CDK12: variants seen among roughly 807,000 people sequenced by gnomAD.
CDK12 encodes the protein cyclin dependent kinase 12, also known as cyclin-dependent kinase 12.
A neutral mutation model predicts 133.8 loss-of-function variants in CDK12; 17 were observed. That is an observed-to-expected ratio of 0.13 (90% CI 0.09 to 0.19). The LOEUF (loss-of-function observed/expected upper bound fraction) is 0.19, where lower values mean the gene tolerates loss of function less well. Among genes scored for constraint, CDK12 ranks in the 10% least tolerant of loss-of-function variants. The pLI, the probability that CDK12 is intolerant of heterozygous loss-of-function variation, is 1.00. For synonymous variants in CDK12, 694 were observed against 683.6 expected (o/e 1.02, Z -0.24); for missense variants, 1,508 against 1,818.7 (o/e 0.83, Z 3.11).
chr17:39,467,856 T>C (rs1166406373), intron 1 of CDK12, among the ~76,000 whole-genome samples: 1 of 152,048 alleles, frequency 6.6e-6, no homozygotes, highest in Non-Finnish European at 1.5e-5. Flanking sequence ...ATGTTTGCGT[T>C]GTTGTTTTTT....
chr17:39,471,133 C>T lies in CDK12; in HGVS notation c.1301C>T (p.Ser434Leu), dbSNP rs2145191514. 1.3e-6 allele frequency: 2 copies of T among 1,598,126 alleles called. No individual in the cohort carries two copies. The highest frequency in any genetic ancestry group is 1.7e-6 in the Non-Finnish European group (2 of 1,174,884). Residue 434 changes from serine to leucine, a missense_variant, in exon 2 of 14, where the codon TCA (serine) becomes TTA (leucine). This residue lies in a region of CDK12 where 347 missense variants were observed against 330.8 expected (regional missense o/e 1.05). Transcript: ENST00000447079. The part of the protein sequence containing the change: ...PVFLPRKENS[S>L]VEAKDSGLES... ...TTTTTGCCTAGAAAAGAGAACAGTT[C>T]AGTAGAGGCTAAGGATTCAGGTTTG...
intron 6 of CDK12, among the ~76,000 whole-genome samples, chr17:39,507,696 A>G (rs1182425969): frequency 6.6e-6 from 1 of 152,216 alleles, no homozygotes; most frequent in African/African-American, 2.4e-5. Flanking sequence ...CTGTAACTAT[A>G]TATCCATTTC....
chr17:39,520,155 A>C (rs1320154330), intron 11 of CDK12, 68 bp downstream of exon 11: 1 of 1,560,314 alleles, frequency 6.4e-7, no homozygotes. Context: ...GAAACTCATA[A>C]AAGAACCACA....
chr17:39,473,205 C>T (rs533199147), intron 2 of CDK12, among the ~76,000 whole-genome samples: 9 of 151,616 alleles, frequency 5.9e-5, no homozygotes, highest in South Asian at 4.2e-4. Flanking sequence ...CTTTTATAGC[C>T]GGGTTTGTTT....
intron 10 of CDK12, among the ~76,000 whole-genome samples, chr17:39,519,122 C>G (rs1265315204): frequency 6.6e-6 from 1 of 150,388 alleles, no homozygotes; most frequent in African/African-American, 2.5e-5. Context: ...AGGCTGGTCT[C>G]GAACTCCTGA....
At chr17:39,535,438 T>A (rs981912089), downstream of CDK12, among the ~76,000 whole-genome samples, 9 of 152,172 alleles carry the variant, frequency 5.9e-5, no homozygotes, top group Admixed American at 3.9e-4. Context: ...GTGGGCTAAG[T>A]CACATCTTAT....
chr17:39,511,088 G>A (rs1356907254), intron 7 of CDK12, among the ~76,000 whole-genome samples: 3 of 150,444 alleles, frequency 2.0e-5, no homozygotes, highest in Admixed American at 2.0e-4. Context: ...GGTGGCGGGC[G>A]CCTGTAGTCC....
In CDK12 at chr17:39,508,540, A is replaced by G. The variant is rs60036500; in HGVS notation, c.2610-1165A>G. The stretch of plus-strand genomic sequence containing the variant: ...AATATTCCTTCATGCAGGAGGAGAG[A>G]GAGCATCAGGAAAAATAGCTAATGC... On this transcript the variant is annotated intron_variant, in intron 6 of 13. Transcript: ENST00000447079. 4.3e-3 allele frequency among the ~76,000 whole-genome samples: 655 copies of G among 152,216 alleles called. 4 individuals are homozygous for G. The highest frequency in any genetic ancestry group is 0.015 in the African/African-American group (640 of 41,524).
At position 39,470,879 on chromosome 17, in the gene CDK12, T is replaced by C; in HGVS notation, c.1047T>C (p.Ser349=). 3 of 1,593,754 alleles carry C rather than the reference T, an allele frequency of 1.9e-6. No homozygotes were observed. The highest frequency in any genetic ancestry group is 2.6e-6 in the Non-Finnish European group (3 of 1,173,482). The change falls in exon 2 of 14, where the codon AGT becomes AGC. Residue 349 remains serine (S), a splice_region_variant and synonymous_variant. Coordinates refer to ENST00000447079, the MANE Select transcript of CDK12 (RefSeq NM_016507.4). ...KRSLSRSPLP[S]RKSMKSRSRS... is the part of the protein sequence containing the mutation. Reference sequence around the variant, plus strand: ...TAAAACTGGCTTTTTATTTTTCCAGTAGGAAATCCATGAAGTCCAGAAGTA... The same window carrying C: ...TAAAACTGGCTTTTTATTTTTCCAGCAGGAAATCCATGAAGTCCAGAAGTA...
In CDK12 at chr17:39,501,993, C is replaced by T. The variant is rs142914691; in HGVS notation, c.2609+554C>T. Among the ~76,000 whole-genome samples the T allele has an allele frequency of 2.8e-3, 424 of 151,460 alleles. 1 individual carries two copies. Among genetic ancestry groups the T allele is most frequent in the African/African-American group, 9.5e-3 (392 of 41,256 alleles). ...CCAAGTAGCTGGGATTATAGGCGCC[C>T]GGCACCATGCTCTGCTAATTTTTGT... On this transcript the variant is annotated intron_variant, in intron 6 of 13. Transcript: ENST00000447079.
chr17:39,540,082 ATAT>A (rs1045218644), intron 1 of CDK12, among the ~76,000 whole-genome samples: 13 of 152,208 alleles, frequency 8.5e-5, no homozygotes, highest in Admixed American at 2.0e-4. Flanking sequence ...GTTCACTAAA[ATAT>A]TATTGTTCTT....
chr17:39,521,162 G>T (rs559288487), intron 11 of CDK12, among the ~76,000 whole-genome samples: 1,948 of 152,132 alleles, frequency 0.013, 15 homozygotes, highest in Non-Finnish European at 0.022. Flanking sequence ...TGTATTTTTA[G>T]TAGAGATGGG....
At chr17:39,471,914 A>C (rs2049825539) in intron 2 of CDK12, 151 bp downstream of exon 2, 1 of 700,506 alleles carries the variant, frequency 1.4e-6, no homozygotes, top group East Asian at 2.7e-5. Context: ...TGACATTATT[A>C]CTTGGGAAGA....
chr17:39,523,851 A>G (rs2054327636), intron 11 of CDK12, among the ~76,000 whole-genome samples: 1 of 152,032 alleles, frequency 6.6e-6, no homozygotes, highest in African/African-American at 2.4e-5. Flanking sequence ...ACCAGGTTTC[A>G]CCATGTTGCC....
At chr17:39,469,491 A>G (rs1416543823) in intron 1 of CDK12, among the ~76,000 whole-genome samples, 2 of 152,172 alleles carry the variant, frequency 1.3e-5, no homozygotes, top group Non-Finnish European at 2.9e-5. Flanking sequence ...CAACTTTATT[A>G]TAAACTGAGG....
At position 39,532,235 on chromosome 17, in the gene CDK12, T is replaced by C. The variant is rs979481979; in HGVS notation, c.*919T>C. ...TGCCCAAGAACCTGGGATAATTCTT[T>C]ACTTTTTTTGAAATAAAGGAAAGGA... On this transcript the variant is annotated 3_prime_UTR_variant, in exon 14 of 14. Transcript: ENST00000447079. 1 of 233,198 alleles carries C rather than the reference T, an allele frequency of 4.3e-6. No homozygotes were observed. The highest frequency in any genetic ancestry group is 6.0e-5 in the East Asian group (1 of 16,702). 14.4% of individuals were successfully genotyped at this position (233,198 alleles called of 1,614,324 possible). A position where few individuals can be genotyped will look rare whatever the true frequency, so the allele number is the denominator to read the frequency against.
Position 39,471,124 on chromosome 17 carries a change from A to G in CDK12, c.1292A>G (p.Glu431Gly), listed in dbSNP as rs1194940259. The G allele has an allele frequency of 1.2e-6, 2 of 1,606,560 alleles. No homozygotes were observed. Among genetic ancestry groups the G allele is most frequent in the African/African-American group, 2.7e-5 (2 of 74,268 alleles). The change falls in exon 2 of 14, where the codon GAG (glutamate) becomes GGG (glycine). Residue 431 changes from glutamate (E) to glycine (G), a missense_variant. Around this residue, in one of 9 missense-constraint regions of CDK12, gnomAD observed 347 missense variants for 330.8 expected, o/e 1.05. Transcript: ENST00000447079. ...TCACCTGTATTTTTGCCTAGAAAAG[A>G]GAACAGTTCAGTAGAGGCTAAGGAT... Reference protein sequence around the residue: ...KGSPVFLPRKENSSVEAKDSG... With the variant: ...KGSPVFLPRKGNSSVEAKDSG...
chr17:39,545,802 CTT>C (rs200712801), upstream of CDK12, among the ~76,000 whole-genome samples: 1 of 141,440 alleles, frequency 7.1e-6, no homozygotes, highest in African/African-American at 2.6e-5. Context: ...TCCTTCCTTC[CTT>C]TTTTTTTTTG....
In CDK12 at chr17:39,516,481, T is replaced by C. The variant is rs192643739; in HGVS notation, c.2846+673T>C. Among the ~76,000 whole-genome samples, 3 of 150,126 alleles carry C rather than the reference T, an allele frequency of 2.0e-5. No homozygotes were observed. In the East Asian group the frequency reaches 5.9e-4, roughly 29 times the overall value. ...AAGTGATCCTCCCACCTTACCCTCC[T>C]GAGTAGCTTGGACTACACCTGTAGT... On this transcript the variant is annotated intron_variant, in intron 9 of 13. Coordinates refer to ENST00000447079, the MANE Select transcript of CDK12 (RefSeq NM_016507.4).
Sources: allele counts gnomAD v4.1 joint callset (sites outside exome capture counted in the v4.1 genomes callset), GRCh38; gene constraint gnomAD v4.1.1; regional missense constraint gnomAD v4.1.1; transcripts MANE v1.5; gene names NCBI Gene and HGNC (gene_info 2026-07-23, HGNC 2026-07-21).